PCDHGB2: variants seen among roughly 807,000 people sequenced by gnomAD.
PCDHGB2 encodes the protein protocadherin gamma subfamily B, 2.
Under a neutral mutation model 59.3 loss-of-function variants are expected in PCDHGB2, and 55 were observed. The ratio of observed to expected loss-of-function variants is 0.93; its 90% confidence interval spans 0.75 to 1.16. The LOEUF (loss-of-function observed/expected upper bound fraction) is 1.16, where lower values mean the gene tolerates loss of function less well. Among genes scored for constraint, PCDHGB2 ranks in the 50% most tolerant of loss-of-function variants. The probability of loss-of-function intolerance (pLI) is 0.00; values close to 1 mark genes in which losing one functional copy is unlikely to be tolerated. For missense variants in PCDHGB2, 1,228 were observed against 1,198.5 expected (o/e 1.02, Z -0.36); for synonymous variants, 516 against 512.0 (o/e 1.01, Z -0.11).
At chr5:141,375,231 C>T in intron 1 of PCDHGB2, 1 of 1,613,964 alleles carries the variant, frequency 6.2e-7, no homozygotes, top group East Asian at 2.2e-5. Flanking sequence ...GGCCTGGTAA[C>T]CTGTTCCATC....
chr5:141,450,119 G>A (rs765403319), intron 1 of PCDHGB2, among the ~76,000 whole-genome samples: 2 of 148,920 alleles, frequency 1.3e-5, no homozygotes, highest in Non-Finnish European at 3.0e-5. Context: ...TGATTCTCCT[G>A]CCTTAGCCTC....
chr5:141,413,302 T>C (rs746274089), intron 1 of PCDHGB2: 2 of 1,613,960 alleles, frequency 1.2e-6, no homozygotes, highest in Non-Finnish European at 8.5e-7. Context: ...TCCTGAGGAA[T>C]TAGAGAAAGG....
chr5:141,502,955 T>C (rs2099817293), intron 2 of PCDHGB2, among the ~76,000 whole-genome samples: 1 of 149,868 alleles, frequency 6.7e-6, no homozygotes, highest in Non-Finnish European at 1.5e-5. Context: ...GCGATTCTCC[T>C]GCCTCAGCCT....
rs374369531 is a variant in PCDHGB2 at position 141,361,548 on chromosome 5, C to T, written c.1413C>T (p.Ile471=). 4 of 1,614,094 alleles carry T rather than the reference C, an allele frequency of 2.5e-6. No individual in the cohort carries two copies. The highest frequency in any genetic ancestry group is 1.3e-5 in the African/African-American group (1 of 75,080). The part of the protein sequence containing the change: ...VAENNPPGAS[I]AQISASDPDL... ...AGAACAATCCTCCTGGCGCCTCTATCGCTCAAATCAGTGCCTCTGACCCTG... is the reference window on the plus strand; with the variant it reads ...AGAACAATCCTCCTGGCGCCTCTATTGCTCAAATCAGTGCCTCTGACCCTG... The change falls in exon 1 of 4, where the codon ATC becomes ATT. Residue 471 remains isoleucine (I), a synonymous_variant. Coordinates refer to ENST00000522605, the MANE Select transcript of PCDHGB2 (RefSeq NM_018923.3).
At chr5:141,473,501 G>C (rs1053399138) in intron 1 of PCDHGB2, among the ~76,000 whole-genome samples, 7 of 152,188 alleles carry the variant, frequency 4.6e-5, no homozygotes, top group African/African-American at 1.7e-4. Context: ...GGTGTTCTGA[G>C]AGAGCATAAC....
chr5:141,409,248 T>A (rs779725312), intron 1 of PCDHGB2: 3 of 1,614,032 alleles, frequency 1.9e-6, no homozygotes, highest in South Asian at 2.2e-5. Context: ...GAAATAATCA[T>A]CACTTCTCTC....
intron 2 of PCDHGB2, among the ~76,000 whole-genome samples, chr5:141,496,492 C>A (rs2099769172): frequency 6.6e-6 from 1 of 152,186 alleles, no homozygotes; most frequent in Non-Finnish European, 1.5e-5. Context: ...CCAACCAAAC[C>A]CTTGTTGCCA....
Position 141,487,226 on chromosome 5 carries a change from G to A in PCDHGB2, c.2422-7581G>A. ...TCGAGAATCTTCAGCTCCAAGGGAA[G>A]GAGAATCTCGTCTAACCCTCTACTT... is the stretch of plus-strand genomic sequence containing the variant. On this transcript the variant is annotated intron_variant, in intron 1 of 3. Transcript: ENST00000522605. This position sits in a 1 kb window ranked among gnomAD's most constrained non-coding sequence, Gnocchi z 5.0. The A allele has an allele frequency of 6.2e-7, 1 of 1,614,104 alleles. No individual in the cohort carries two copies. Among genetic ancestry groups the A allele is most frequent in the South Asian group, 1.1e-5 (1 of 91,074 alleles).
At chr5:141,467,005 G>A (rs1365805332) in intron 1 of PCDHGB2, among the ~76,000 whole-genome samples, 3 of 150,724 alleles carry the variant, frequency 2.0e-5, no homozygotes, top group Non-Finnish European at 4.4e-5. Flanking sequence ...TTTTTGCAAT[G>A]CAATTTTTTT....
intron 1 of PCDHGB2, chr5:141,409,186 T>C: frequency 6.2e-7 from 1 of 1,614,042 alleles, no homozygotes; most frequent in Non-Finnish European, 8.5e-7. Flanking sequence ...GTGGTCTCTC[T>C]ACCCAGTGTA....
At chr5:141,392,585 G>A (rs749915419) in intron 1 of PCDHGB2, 4 of 468,068 alleles carry the variant, frequency 8.5e-6, no homozygotes, top group Non-Finnish European at 1.5e-5. Context: ...TGTAAGCGCC[G>A]CTGTTCACCT....
In PCDHGB2 at chr5:141,505,380, A is replaced by C; in HGVS notation, c.2481-13A>C. On this transcript the variant is annotated splice_polypyrimidine_tract_variant and intron_variant, in intron 2 of 3. Coordinates refer to ENST00000522605, the MANE Select transcript of PCDHGB2 (RefSeq NM_018923.3). ...CCTGGGAGTCTGTGCTCACCATCCT[A>C]CTCTCTCCCCAGCTCCCAAAATGGC... 1 of 1,613,480 alleles carries C rather than the reference A, an allele frequency of 6.2e-7. No homozygotes were observed. Among genetic ancestry groups the C allele is most frequent in the Non-Finnish European group, 8.5e-7 (1 of 1,179,856 alleles).
intron 1 of PCDHGB2, chr5:141,408,803 G>T: frequency 6.2e-7 from 1 of 1,613,150 alleles, no homozygotes; most frequent in South Asian, 1.1e-5. Flanking sequence ...GAAACTCCTA[G>T]ACCGGGAAGA....
intron 1 of PCDHGB2, chr5:141,427,310 C>A (rs989300491): frequency 2.2e-5 from 10 of 456,738 alleles, no homozygotes; most frequent in African/African-American, 1.8e-4. Flanking sequence ...ATGACAATGC[C>A]CCAGACGTGG....
intron 1 of PCDHGB2, chr5:141,414,754 G>A: frequency 6.2e-7 from 1 of 1,614,190 alleles, no homozygotes; most frequent in Non-Finnish European, 8.5e-7. Flanking sequence ...CTTCGACTAT[G>A]AGCAGTTTCA....
chr5:141,404,333 C>A, intron 1 of PCDHGB2: 3 of 1,613,854 alleles, frequency 1.9e-6, no homozygotes, highest in South Asian at 1.1e-5. Flanking sequence ...CTCAGTCTAC[C>A]TCCCGGAAAA....
chr5:141,400,072 C>G (rs1469206078), intron 1 of PCDHGB2: 1 of 1,613,934 alleles, frequency 6.2e-7, no homozygotes, highest in Non-Finnish European at 8.5e-7. Context: ...TGGACAGCCG[C>G]CACTCTCCGC....
chr5:141,384,638 G>T (rs1003169745), intron 1 of PCDHGB2: 38 of 1,614,070 alleles, frequency 2.4e-5, no homozygotes, highest in Non-Finnish European at 2.6e-5. Context: ...CTGGCACCCC[G>T]CTCCGCAGAG....
Position 141,388,684 on chromosome 5 carries a change from C to T in PCDHGB2, c.2421+26128C>T, listed in dbSNP as rs1458700152. 1.2e-5 allele frequency: 19 copies of T among 1,613,818 alleles called. No homozygotes were observed. Among genetic ancestry groups the T allele is most frequent in the African/African-American group, 2.7e-5 (2 of 74,912 alleles). On this transcript the variant is annotated intron_variant, in intron 1 of 3. Coordinates refer to ENST00000522605, the MANE Select transcript of PCDHGB2 (RefSeq NM_018923.3). ...ACCACGGTGCTACAGGTGACTGCCA[C>T]GGACCAGGATGAGGGTGTCAATGCC...
Sources: gnomAD v4.1 joint callset for allele counts (sites outside exome capture counted in the v4.1 genomes callset) on GRCh38, gnomAD v4.1.1 for gene constraint, Gnocchi (gnomAD v3.1) non-coding constraint, MANE v1.5 for transcripts, NCBI Gene and HGNC (gene_info 2026-07-23, HGNC 2026-07-21) for gene names.